TCERG1L: variants seen among roughly 807,000 people sequenced by gnomAD.
TCERG1L encodes the protein transcription elongation regulator 1 like.
TCERG1L carries 37 observed loss-of-function variants against 56.3 expected under a neutral mutation model. The observed-to-expected ratio is 0.66, with a 90% CI of 0.51 to 0.87. The LOEUF (loss-of-function observed/expected upper bound fraction) is 0.87. Among genes scored for constraint, TCERG1L ranks in the 40% least tolerant of loss-of-function variants. The probability of loss-of-function intolerance (pLI) is 0.00; values close to 1 mark genes in which losing one functional copy is unlikely to be tolerated. For missense variants in TCERG1L, 799 were observed against 774.2 expected, an observed-to-expected ratio of 1.03 and a Z score of -0.38; for synonymous variants, 324 against 326.3, an observed-to-expected ratio of 0.99 and a Z score of 0.08.
In TCERG1L at chr10:131,267,587, T is replaced by A. The variant is rs1301512270; in HGVS notation, c.671-7143A>T. Among the ~76,000 whole-genome samples, 1 of 152,194 alleles carries A rather than the reference T, an allele frequency of 6.6e-6. No individual in the cohort carries two copies. Among genetic ancestry groups the A allele is most frequent in the Non-Finnish European group, 1.5e-5 (1 of 68,026 alleles). ...GCCCTTGCACAAGTGAACCCGATGT[T>A]CCTGGGGCTGGTCCCATGAGTCCTG... On this transcript the variant is annotated intron_variant, in intron 3 of 11. Transcript: ENST00000368642. The surrounding 1 kb of genome is among the most constrained non-coding windows in gnomAD (Gnocchi z 4.9).
At chr10:131,258,095 C>T (rs1037317226) in intron 4 of TCERG1L, among the ~76,000 whole-genome samples, 2 of 152,110 alleles carry the variant, frequency 1.3e-5, no homozygotes, top group African/African-American at 4.8e-5. Context: ...CCTCTACCCA[C>T]CCCTCCATGG....
chr10:131,307,735 T>C (rs1846830805), intron 3 of TCERG1L, among the ~76,000 whole-genome samples: 1 of 152,208 alleles, frequency 6.6e-6, no homozygotes, highest in Admixed American at 6.5e-5. Flanking sequence ...AAAATCCATC[T>C]TTCAAAGAGG....
intron 3 of TCERG1L, among the ~76,000 whole-genome samples, chr10:131,286,779 T>C (rs1288608371): frequency 7.2e-5 from 11 of 152,230 alleles, no homozygotes; most frequent in Admixed American, 7.2e-4. Context: ...CATTGAATTA[T>C]CTATAAACTA....
intron 6 of TCERG1L, among the ~76,000 whole-genome samples, chr10:131,149,526 A>T (rs12248372): frequency 6.6e-6 from 1 of 152,014 alleles, no homozygotes; most frequent in Non-Finnish European, 1.5e-5. Context: ...TTCAGCTACT[A>T]TATGAACTCT....
chr10:131,254,835 C>T (rs1045435236), intron 4 of TCERG1L, among the ~76,000 whole-genome samples: 2 of 152,156 alleles, frequency 1.3e-5, no homozygotes, highest in Non-Finnish European at 2.9e-5. Flanking sequence ...ACTTGAAAGA[C>T]CACAGGAGAA....
intron 4 of TCERG1L, among the ~76,000 whole-genome samples, chr10:131,214,371 T>C (rs1210730171): frequency 2.0e-5 from 3 of 152,206 alleles, no homozygotes; most frequent in Non-Finnish European, 4.4e-5. Flanking sequence ...TTGTTCCAGC[T>C]GGTGGCATCT....
intron 6 of TCERG1L, among the ~76,000 whole-genome samples, chr10:131,154,995 T>C (rs1207239537): frequency 1.3e-5 from 2 of 152,200 alleles, no homozygotes; most frequent in Non-Finnish European, 1.5e-5. Flanking sequence ...TGGCGGCTGC[T>C]GCACAGTGAG....
At chr10:131,265,439 G>A (rs1469067807) in intron 3 of TCERG1L, among the ~76,000 whole-genome samples, 1 of 152,204 alleles carries the variant, frequency 6.6e-6, no homozygotes, top group Non-Finnish European at 1.5e-5. Flanking sequence ...ATCATTGGTA[G>A]ATGAGATCGA....
intron 4 of TCERG1L, among the ~76,000 whole-genome samples, chr10:131,250,524 C>T (rs1846097971): frequency 2.9e-5 from 4 of 136,918 alleles, no homozygotes; most frequent in South Asian, 4.4e-4. Flanking sequence ...TCTCATTCCA[C>T]GAACGCAGGG....
chr10:131,291,789 A>AT (rs1846630953), intron 3 of TCERG1L, among the ~76,000 whole-genome samples: 1 of 152,058 alleles, frequency 6.6e-6, no homozygotes, highest in South Asian at 2.1e-4. Flanking sequence ...TGTAAAAAAA[A>AT]AAAATTACTT....
intron 3 of TCERG1L, among the ~76,000 whole-genome samples, chr10:131,262,389 T>C (rs770540446): frequency 1.2e-4 from 19 of 152,158 alleles, no homozygotes; most frequent in Non-Finnish European, 2.4e-4. Flanking sequence ...GGTTAAAAAA[T>C]AGAAGAAAGT....
At chr10:131,155,144 G>A (rs749237756) in intron 6 of TCERG1L, among the ~76,000 whole-genome samples, 3 of 152,174 alleles carry the variant, frequency 2.0e-5, no homozygotes, top group Admixed American at 6.5e-5. Context: ...GGGTGGGGAC[G>A]TCCCTGCACG....
intron 4 of TCERG1L, among the ~76,000 whole-genome samples, chr10:131,250,666 C>T (rs1309169689): frequency 6.6e-6 from 1 of 152,152 alleles, no homozygotes; most frequent in Non-Finnish European, 1.5e-5. Flanking sequence ...CAGTGCCTGC[C>T]CGGGGCCTGC....
At chr10:131,140,728 G>A (rs955133572) in intron 7 of TCERG1L, among the ~76,000 whole-genome samples, 2 of 152,232 alleles carry the variant, frequency 1.3e-5, no homozygotes, top group Admixed American at 1.3e-4. Context: ...TGCGAGGGAT[G>A]CCCAGGAGGC....
chr10:131,199,526 G>A (rs1287028786), intron 4 of TCERG1L, among the ~76,000 whole-genome samples: 1 of 151,892 alleles, frequency 6.6e-6, no homozygotes, highest in Non-Finnish European at 1.5e-5. Context: ...CCTTCCCTCA[G>A]TTTCCAATAC....
At chr10:131,147,413 G>A (rs10741242) in intron 6 of TCERG1L, among the ~76,000 whole-genome samples, 116,261 of 152,202 alleles carry the variant, frequency 0.76, 46,421 homozygotes, top group Non-Finnish European at 0.89. Context: ...GCATGGAGGT[G>A]CACGGGAGAC....
At chr10:131,285,481 A>G (rs1170875540) in intron 3 of TCERG1L, among the ~76,000 whole-genome samples, 2 of 16,162 alleles carry the variant, frequency 1.2e-4, no homozygotes, top group South Asian at 0.012. Flanking sequence ...AGAAAGAAAG[A>G]AAGAAAGAAA....
At chr10:131,149,222 C>T (rs140216076) in intron 6 of TCERG1L, among the ~76,000 whole-genome samples, 379 of 151,074 alleles carry the variant, frequency 2.5e-3, no homozygotes, top group African/African-American at 8.8e-3. Flanking sequence ...CCAGGTCCTG[C>T]CCTCAGGGGA....
chr10:131,221,382 T>G (rs1226168586), intron 4 of TCERG1L, among the ~76,000 whole-genome samples: 1 of 152,108 alleles, frequency 6.6e-6, no homozygotes, highest in Non-Finnish European at 1.5e-5. Context: ...TCCAAAAAAG[T>G]GCCCAGTGGG....
Sources: allele counts gnomAD v4.1 joint callset (sites outside exome capture counted in the v4.1 genomes callset), GRCh38; gene constraint gnomAD v4.1.1; non-coding constraint Gnocchi (gnomAD v3.1); transcripts MANE v1.5; gene names NCBI Gene and HGNC (gene_info 2026-07-23, HGNC 2026-07-21).